Variants in IFT140 observed in about 807,000 individuals in gnomAD.
IFT140 encodes intraflagellar transport 140, also known as intraflagellar transport protein 140 homolog.
A neutral mutation model predicts 164.6 loss-of-function variants in IFT140; 133 were observed. That is an observed-to-expected ratio of 0.81 (90% CI 0.70 to 0.93). The LOEUF (loss-of-function observed/expected upper bound fraction) is 0.93. Ranked by LOEUF, IFT140 falls within the 40% of genes least tolerant of loss-of-function variation. IFT140 has a pLI of 0.00. For synonymous variants in IFT140, 860 were observed against 817.3 expected (o/e 1.05, Z -0.89); for missense variants, 2,045 against 1,972.3 (o/e 1.04, Z -0.70).
intron 10 of IFT140, 52 bp from the exon 11 acceptor site, chr16:1,584,472 G>C (rs1466841516): frequency 1.4e-6 from 2 of 1,419,698 alleles, no homozygotes; most frequent in Admixed American, 3.9e-5. Context: ...CAGAGCAGGA[G>C]AAAGATGCGG....
At chr16:1,596,199 A>C in intron 4 of IFT140, among the ~76,000 whole-genome samples, 1 of 140,902 alleles carries the variant, frequency 7.1e-6, no homozygotes, top group African/African-American at 2.6e-5. Flanking sequence ...TGACCCCCCC[A>C]TCCCCCTCCC....
rs2032834775 is a variant in IFT140 at position 1,553,357 on chromosome 16, G to A, written c.2399+4578C>T. On this transcript the variant is annotated intron_variant, in intron 19 of 30. Transcript: ENST00000426508. This position sits in a 1 kb window ranked among gnomAD's most constrained non-coding sequence, Gnocchi z 4.4. ...GTCTCTTTTTCTCCCATCCTCTCTC[G>A]ATGCTGGGGCCACACAGGGCAGGGC... 12 of 985,234 alleles carry A rather than the reference G, an allele frequency of 1.2e-5. No individual in the cohort carries two copies. Among genetic ancestry groups the A allele is most frequent in the Non-Finnish European group, 1.4e-5 (12 of 829,910 alleles). The allele number at this position is 985,234 out of a possible 1,614,324, so 61.0% of individuals were successfully genotyped here.
rs140745655 is a variant in IFT140 at position 1,550,844 on chromosome 16, C to T, written c.2399+7091G>A. ...CAAGGAAAGTCAAGAGCGCCCTAGC[C>T]GTCTCTGTGGCTGACGCTGACCCTA... On this transcript the variant is annotated intron_variant, in intron 19 of 30. Transcript: ENST00000426508. Among the ~76,000 whole-genome samples, 813 of 152,344 alleles carry T rather than the reference C, an allele frequency of 5.3e-3. 7 individuals carry two copies. The highest frequency in any genetic ancestry group is 0.019 in the African/African-American group (779 of 41,578).
At chr16:1,584,719 T>A (rs1346102511) in intron 10 of IFT140, among the ~76,000 whole-genome samples, 1 of 152,084 alleles carries the variant, frequency 6.6e-6, no homozygotes, top group Non-Finnish European at 1.5e-5. Context: ...GGGACACACT[T>A]TTCTGAGTGT....
At chr16:1,577,856 A>G (rs1427756081) in intron 13 of IFT140, 2 of 148,086 alleles carry the variant, frequency 1.4e-5, no homozygotes, top group African/African-American at 2.5e-5. Flanking sequence ...ACCCCAACTT[A>G]AAAAAAAAAG....
At chr16:1,574,436 C>CCTGGCTAA (rs1402775643) in intron 13 of IFT140, among the ~76,000 whole-genome samples, 2 of 151,956 alleles carry the variant, frequency 1.3e-5, no homozygotes, top group African/African-American at 2.4e-5. Context: ...TGCCACCATG[C>CCTGGCTAA]CTGGCTAATA....
At chr16:1,592,117 C>A (rs111318035) in intron 6 of IFT140, 59 bp downstream of exon 6, 1 of 1,581,140 alleles carries the variant, frequency 6.3e-7, no homozygotes, top group African/African-American at 1.4e-5. Context: ...AGTTTAAAAT[C>A]CCTACCAGAC....
rs761018449 is a variant in IFT140, at chr16:1,519,892, G to A, written c.4029C>T (p.Ile1343=). 2 of 1,555,506 alleles carry A rather than the reference G, an allele frequency of 1.3e-6. No individual in the cohort carries two copies. The highest frequency in any genetic ancestry group is 2.0e-5 in the Admixed American group (1 of 49,840). Residue 1343 remains isoleucine, a synonymous_variant, in exon 29 of 31, where the codon ATC becomes ATT. Transcript: ENST00000426508. ...CCCCGGGGGCACACCTGCGGGCCTG[G>A]ATGAACCTCTTCACCAGTGCCATCC... The part of the protein sequence containing the change: ...QSRMALVKRF[I]QARRTYTEDP...
intron 15 of IFT140, among the ~76,000 whole-genome samples, chr16:1,566,700 C>A (rs773007260): frequency 6.6e-6 from 1 of 152,130 alleles, no homozygotes; most frequent in Non-Finnish European, 1.5e-5. Flanking sequence ...CTTCTGCCAG[C>A]CCCTGCCTCC....
chr16:1,528,347 A>G (rs569676228), intron 19 of IFT140, among the ~76,000 whole-genome samples: 32 of 131,252 alleles, frequency 2.4e-4, no homozygotes, highest in Admixed American at 1.2e-3. Flanking sequence ...ACACACACGC[A>G]TGCACGCACG....
chr16:1,601,682 G>C (rs1567427231), intron 4 of IFT140, among the ~76,000 whole-genome samples: 1 of 152,198 alleles, frequency 6.6e-6, no homozygotes, highest in Non-Finnish European at 1.5e-5. Flanking sequence ...GTGAGAGAAA[G>C]AATGCACTTG....
chr16:1,542,166 G>A, intron 19 of IFT140: 1 of 1,372,570 alleles, frequency 7.3e-7, no homozygotes, highest in Non-Finnish European at 9.6e-7. Context: ...GGGTGGCCTG[G>A]GGGGAAGCTG....
At chr16:1,566,109 A>G in intron 16 of IFT140, 52 bp downstream of exon 16, 1 of 1,590,702 alleles carries the variant, frequency 6.3e-7, no homozygotes, top group Non-Finnish European at 8.6e-7. Flanking sequence ...GAAGCCGAGA[A>G]GTAACTGAAC....
At chr16:1,529,824 G>A in intron 19 of IFT140, among the ~76,000 whole-genome samples, 1 of 152,200 alleles carries the variant, frequency 6.6e-6, no homozygotes, top group South Asian at 2.1e-4. Flanking sequence ...AAGACTGGGG[G>A]TCCAGGGCTC....
At chr16:1,593,338 G>A (rs1644442248) in intron 4 of IFT140, among the ~76,000 whole-genome samples, 1 of 150,206 alleles carries the variant, frequency 6.7e-6, no homozygotes, top group African/African-American at 2.5e-5. Context: ...TTGAGATGGA[G>A]TCTCACTTTG....
At chr16:1,604,605 T>C (rs1010682518) in intron 3 of IFT140, 1 of 152,358 alleles carries the variant, frequency 6.6e-6, no homozygotes, top group Non-Finnish European at 1.5e-5. Flanking sequence ...AGTGATTCCA[T>C]CTGTGATGCC....
intron 30 of IFT140, among the ~76,000 whole-genome samples, chr16:1,515,939 G>A (rs975166438): frequency 6.6e-6 from 1 of 151,914 alleles, no homozygotes; most frequent in Non-Finnish European, 1.5e-5. Context: ...TTGGGAGTTT[G>A]AGACCAGCCT....
chr16:1,529,987 C>T (rs1596312632), intron 19 of IFT140, among the ~76,000 whole-genome samples: 1 of 152,156 alleles, frequency 6.6e-6, no homozygotes, highest in African/African-American at 2.4e-5. Context: ...CACGGCTCCT[C>T]ACAGACGTCT....
rs776212562 is a variant in IFT140 at position 1,526,661 on chromosome 16, T to C, written c.2535A>G (p.Leu845=). ...ALREAEQEPE[L]EARVAVLATQ... ...TGGCCAGCACGGCCACGCGGGCCTC[T>C]AGCTCCGGCTCCTGCTCCGCCTCAC... Residue 845 remains leucine (L), a synonymous_variant, in exon 20 of 31, where the codon CTA becomes CTG. Coordinates refer to ENST00000426508, the MANE Select transcript of IFT140 (RefSeq NM_014714.4). 1 of 1,595,328 alleles carries C rather than the reference T, an allele frequency of 6.3e-7. No homozygotes were observed. The highest frequency in any genetic ancestry group is 1.1e-5 in the South Asian group (1 of 89,480).
Sources: gnomAD v4.1 joint callset for allele counts (sites outside exome capture counted in the v4.1 genomes callset) on GRCh38, gnomAD v4.1.1 for gene constraint, Gnocchi (gnomAD v3.1) non-coding constraint, MANE v1.5 for transcripts, NCBI Gene and HGNC (gene_info 2026-07-23, HGNC 2026-07-21) for gene names.